Variants in ABCD3 observed in about 807,000 individuals in gnomAD.
The protein encoded by ABCD3 is ATP-binding cassette sub-family D member 3.
ABCD3 carries 41 observed loss-of-function variants against 105.5 expected under a neutral mutation model. The observed-to-expected ratio is 0.39, with a 90% CI of 0.30 to 0.50. The LOEUF (loss-of-function observed/expected upper bound fraction) is 0.50. Among genes scored for constraint, ABCD3 ranks in the 20% least tolerant of loss-of-function variants. The pLI is 0.84. For missense variants in ABCD3, 622 were observed against 806.3 expected (o/e 0.77, Z 2.77); for synonymous variants, 258 against 269.0 (o/e 0.96, Z 0.40).
At chr1:94,509,557 G>A (rs943945326) in intron 21 of ABCD3, among the ~76,000 whole-genome samples, 1 of 152,182 alleles carries the variant, frequency 6.6e-6, no homozygotes, top group Non-Finnish European at 1.5e-5. Flanking sequence ...AGTTTCCGAA[G>A]GAATGGTACC....
chr1:94,445,800 G>T (rs1660323030), intron 1 of ABCD3, among the ~76,000 whole-genome samples: 1 of 152,178 alleles, frequency 6.6e-6, no homozygotes, highest in Admixed American at 6.5e-5. Flanking sequence ...AGATTCAGCT[G>T]CTCAGGATAT....
chr1:94,516,946 T>A (rs1220080238), intron 22 of ABCD3, 106 bp from the exon 23 acceptor site: 1 of 829,458 alleles, frequency 1.2e-6, no homozygotes, highest in East Asian at 2.5e-5. Flanking sequence ...TGCTTATAGA[T>A]TTAGCTCCCT....
At chr1:94,399,525 C>T in the ABCD3 span, among the ~76,000 whole-genome samples, 1 of 152,190 alleles carries the variant, frequency 6.6e-6, no homozygotes, top group Admixed American at 6.5e-5. Flanking sequence ...TTATTTCACA[C>T]ATGAGAAAGT....
upstream of ABCD3, among the ~76,000 whole-genome samples, chr1:94,413,941 G>A (rs1658957792): frequency 6.6e-6 from 1 of 152,198 alleles, no homozygotes; most frequent in Non-Finnish European, 1.5e-5. Context: ...CAGAGTAGGA[G>A]ACCATGAACG....
chr1:94,457,357 G>T (rs1647626854), intron 1 of ABCD3, among the ~76,000 whole-genome samples: 1 of 152,148 alleles, frequency 6.6e-6, no homozygotes, highest in African/African-American at 2.4e-5. Flanking sequence ...CGCATCTATT[G>T]TAGTTAAGTT....
the ABCD3 span, among the ~76,000 whole-genome samples, chr1:94,409,226 G>T: frequency 2.0e-5 from 3 of 152,284 alleles, no homozygotes; most frequent in African/African-American, 7.2e-5. Flanking sequence ...AGTACAATTG[G>T]ATTGTTTGTA....
chr1:94,470,788 T>C (rs1034366461), intron 4 of ABCD3, among the ~76,000 whole-genome samples: 12 of 152,186 alleles, frequency 7.9e-5, no homozygotes, highest in Non-Finnish European at 1.6e-4. Flanking sequence ...TTTTATTTTC[T>C]AGGAAATTTC....
intron 1 of ABCD3, among the ~76,000 whole-genome samples, chr1:94,449,039 G>A (rs1439666858): frequency 1.3e-5 from 2 of 152,188 alleles, no homozygotes; most frequent in Non-Finnish European, 2.9e-5. Context: ...CAACTGGTTT[G>A]GTGGAGAGAT....
At chr1:94,472,958 T>C (rs1342911838) in intron 4 of ABCD3, among the ~76,000 whole-genome samples, 1 of 152,232 alleles carries the variant, frequency 6.6e-6, no homozygotes, top group Non-Finnish European at 1.5e-5. Flanking sequence ...AATACTGCTT[T>C]GTTCAAATTT....
intron 1 of ABCD3, among the ~76,000 whole-genome samples, chr1:94,447,125 T>G (rs1233938477): frequency 6.6e-6 from 1 of 152,228 alleles, no homozygotes; most frequent in Non-Finnish European, 1.5e-5. Context: ...CCTATACCTT[T>G]AAAATGGTTA....
intron 13 of ABCD3, 64 bp from the exon 14 acceptor site, chr1:94,489,661 A>G (rs773584347): frequency 7.1e-5 from 83 of 1,162,074 alleles, no homozygotes; most frequent in Non-Finnish European, 1.0e-4. Flanking sequence ...TTCAGTTTGT[A>G]TAAAATAAAA....
chr1:94,498,655 T>C lies in ABCD3; in HGVS notation c.1440T>C (p.Ser480=), dbSNP rs1337093062. The C allele has an allele frequency of 6.2e-7, 1 of 1,613,738 alleles. No homozygotes were observed. Among genetic ancestry groups the C allele is most frequent in the Admixed American group, 1.7e-5 (1 of 59,952 alleles). Reference sequence around the variant, plus strand: ...GTGGTCCAAATGGCTGCGGAAAGAGTTCACTTTTCCGTGTTCTTGGTGAAG... The same window carrying C: ...GTGGTCCAAATGGCTGCGGAAAGAGCTCACTTTTCCGTGTTCTTGGTGAAG... ...LICGPNGCGK[S]SLFRVLGELW... Residue 480 remains serine (S), a synonymous_variant, in exon 17 of 23, where the codon AGT becomes AGC. Transcript: ENST00000370214.
intron 1 of ABCD3, among the ~76,000 whole-genome samples, chr1:94,434,788 AG>A (rs2100897952): frequency 6.6e-6 from 1 of 152,326 alleles, no homozygotes; most frequent in African/African-American, 2.4e-5. Flanking sequence ...ACCACTACCC[AG>A]ATCAAGAAAT....
the ABCD3 span, among the ~76,000 whole-genome samples, chr1:94,394,920 G>C: frequency 4.6e-5 from 7 of 152,172 alleles, no homozygotes; most frequent in East Asian, 3.9e-4. Context: ...GTTTCTATAG[G>C]ACCTAAGAGA....
intron 3 of ABCD3, among the ~76,000 whole-genome samples, chr1:94,465,846 C>A (rs1354608153): frequency 6.6e-6 from 1 of 152,144 alleles, no homozygotes; most frequent in Non-Finnish European, 1.5e-5. Context: ...CCTCAGCATT[C>A]TCTCATTCTG....
At chr1:94,414,602 G>A (rs181547769), upstream of ABCD3, among the ~76,000 whole-genome samples, 4 of 152,146 alleles carry the variant, frequency 2.6e-5, no homozygotes, top group South Asian at 2.1e-4. Context: ...TCTACATGCA[G>A]AATAAAAATC....
At chr1:94,418,355 G>C, upstream of ABCD3, 5 of 814,934 alleles carry the variant, frequency 6.1e-6, no homozygotes, top group Non-Finnish European at 9.6e-6. Flanking sequence ...CCAGGGGGCG[G>C]TCCTGCGCGG....
At chr1:94,467,418 C>T (rs1648205238) in intron 3 of ABCD3, among the ~76,000 whole-genome samples, 1 of 152,144 alleles carries the variant, frequency 6.6e-6, no homozygotes, top group African/African-American at 2.4e-5. Flanking sequence ...AAATTGAAAG[C>T]CCTATGAGGG....
chr1:94,473,516 A>G (rs370386551), intron 4 of ABCD3, among the ~76,000 whole-genome samples: 6 of 152,100 alleles, frequency 3.9e-5, no homozygotes, highest in East Asian at 3.9e-4. Flanking sequence ...AGCCATTTTT[A>G]CTAAGAAATA....
Sources: allele counts gnomAD v4.1 joint callset (sites outside exome capture counted in the v4.1 genomes callset), GRCh38; gene constraint gnomAD v4.1.1; transcripts MANE v1.5; gene names NCBI Gene and HGNC (gene_info 2026-07-23, HGNC 2026-07-21).